Variants in GLIS1 observed in about 807,000 individuals in gnomAD.
GLIS1 encodes the protein zinc finger protein GLIS1.
In GLIS1, 24 loss-of-function variants were observed where a neutral mutation model predicts 63.8. That is an observed-to-expected ratio of 0.38 (90% CI 0.27 to 0.53). The LOEUF is 0.53. Among genes scored for constraint, GLIS1 ranks in the 20% least tolerant of loss-of-function variants. GLIS1 has a pLI of 0.85. For missense variants in GLIS1, 1,036 were observed against 1,074.1 expected (o/e 0.96, Z 0.50); for synonymous variants, 450 against 482.5 (o/e 0.93, Z 0.88).
chr1:53,655,844 C>T (rs1161155139), intron 2 of GLIS1, among the ~76,000 whole-genome samples: 1 of 152,238 alleles, frequency 6.6e-6, no homozygotes, highest in Non-Finnish European at 1.5e-5. Flanking sequence ...TGAGGCACCA[C>T]GAGCTGCATA....
chr1:53,576,206 G>A (rs1645030680), intron 4 of GLIS1, among the ~76,000 whole-genome samples: 3 of 151,878 alleles, frequency 2.0e-5, no homozygotes, highest in Non-Finnish European at 4.4e-5. Context: ...AGCCACATTG[G>A]GTGACTTCCT....
rs140770740 is a variant in GLIS1 at position 53,594,188 on chromosome 1, G to C, written c.1240C>G (p.Arg414Gly). The change falls in exon 4 of 11, where the codon CGC becomes GGC. Residue 414 changes from arginine (R) to glycine (G), a missense_variant. Arg to Gly is a moderately radical substitution (Grantham distance 125). Transcript: ENST00000628545. ...FTCFWAGCVR[R>G]YKPFNARYKL... ...TAGCGGGCGTTGAAGGGCTTGTAGC[G>C]GCGCACGCAGCCAGCCCAGAAGCAG... The C allele has an allele frequency of 3.7e-5, 60 of 1,613,884 alleles. No homozygotes were observed. Among genetic ancestry groups the C allele is most frequent in the Non-Finnish European group, 4.8e-5 (57 of 1,179,970 alleles).
At chr1:53,635,543 A>T (rs1465394998) in intron 2 of GLIS1, among the ~76,000 whole-genome samples, 2 of 149,780 alleles carry the variant, frequency 1.3e-5, no homozygotes, top group African/African-American at 2.4e-5. Context: ...CCACCACAAG[A>T]TGTTAAAAAA....
intron 2 of GLIS1, among the ~76,000 whole-genome samples, chr1:53,605,084 C>G (rs1645357117): frequency 6.6e-6 from 1 of 152,000 alleles, no homozygotes; most frequent in Admixed American, 6.6e-5. Flanking sequence ...AGACAGGATT[C>G]AACATCTGAA....
chr1:53,545,275 T>C (rs762514588), intron 4 of GLIS1, among the ~76,000 whole-genome samples: 4 of 152,180 alleles, frequency 2.6e-5, no homozygotes, highest in Non-Finnish European at 5.9e-5. Context: ...AGAGACACTG[T>C]GGTCCATGGA....
chr1:53,661,562 G>A (rs573955179), intron 2 of GLIS1, among the ~76,000 whole-genome samples: 4 of 152,310 alleles, frequency 2.6e-5, no homozygotes, highest in Non-Finnish European at 4.4e-5. Flanking sequence ...AAGGGGAGGC[G>A]TGGGGAGGAC....
chr1:53,520,468 TG>T (rs1328146922), intron 7 of GLIS1, among the ~76,000 whole-genome samples, 165 bp downstream of exon 7: 2 of 152,146 alleles, frequency 1.3e-5, no homozygotes, highest in African/African-American at 4.8e-5. Flanking sequence ...GAAGATGGAT[TG>T]GAAGTAGGGA....
intron 4 of GLIS1, among the ~76,000 whole-genome samples, chr1:53,592,822 A>C (rs868214031): frequency 6.6e-6 from 1 of 152,122 alleles, no homozygotes; most frequent in African/African-American, 2.4e-5. Flanking sequence ...TACAAAGCAA[A>C]CTCTTTCTCC....
intron 2 of GLIS1, among the ~76,000 whole-genome samples, chr1:53,648,333 G>A (rs952495658): frequency 2.0e-5 from 3 of 152,076 alleles, no homozygotes; most frequent in South Asian, 2.1e-4. Context: ...CCACCAGAAT[G>A]GCTAAAATTT....
At chr1:53,684,260 G>C (rs967387714) in intron 2 of GLIS1, among the ~76,000 whole-genome samples, 1 of 152,040 alleles carries the variant, frequency 6.6e-6, no homozygotes, top group Non-Finnish European at 1.5e-5. Flanking sequence ...AGAACCTCAG[G>C]GCCTCCCCAG....
At chr1:53,626,037 C>A in intron 2 of GLIS1, among the ~76,000 whole-genome samples, 1 of 152,208 alleles carries the variant, frequency 6.6e-6, no homozygotes, top group East Asian at 1.9e-4. Context: ...CTAGGGCTCA[C>A]GACAATGGGT....
intron 2 of GLIS1, among the ~76,000 whole-genome samples, chr1:53,666,987 C>A (rs1046357820): frequency 2.0e-5 from 3 of 152,156 alleles, no homozygotes; most frequent in African/African-American, 7.2e-5. Context: ...CTGTGCTGCT[C>A]ATCCCTACAC....
chr1:53,593,471 G>A (rs532290715), intron 4 of GLIS1, among the ~76,000 whole-genome samples: 56 of 152,358 alleles, frequency 3.7e-4, no homozygotes, highest in African/African-American at 1.2e-3. Context: ...GTGCACGTGC[G>A]CATGTACACA....
In GLIS1 at chr1:53,546,587, T is replaced by A. The variant is rs568922722; in HGVS notation, c.1321-16635A>T. ...GGTTTATTGCAACGACTACATGAGA[T>A]GAGAGATGGCAGGGCTCGTCAATCT... On this transcript the variant is annotated intron_variant, in intron 4 of 10. Coordinates refer to ENST00000628545, the MANE Select transcript of GLIS1 (RefSeq NM_001367484.1). Among the ~76,000 whole-genome samples, 4 of 103,250 alleles carry A rather than the reference T, an allele frequency of 3.9e-5. No homozygotes were observed. In the South Asian group the frequency reaches 1.1e-3, roughly 28 times the overall value. The allele number at this position is 103,250 out of a possible 152,430, so 67.7% of individuals were successfully genotyped here.
chr1:53,559,863 TACAC>T (rs200742259), intron 4 of GLIS1, among the ~76,000 whole-genome samples: 1 of 151,716 alleles, frequency 6.6e-6, no homozygotes, highest in African/African-American at 2.4e-5. Context: ...ATCACACATA[TACAC>T]ACACACACAG....
intron 4 of GLIS1, among the ~76,000 whole-genome samples, chr1:53,575,507 C>T (rs1569853369): frequency 1.3e-5 from 2 of 152,214 alleles, no homozygotes; most frequent in African/African-American, 4.8e-5. Flanking sequence ...AAGCTTTCCT[C>T]CCCACACGGG....
chr1:53,632,156 G>A (rs945828349), intron 2 of GLIS1, among the ~76,000 whole-genome samples: 7 of 145,612 alleles, frequency 4.8e-5, no homozygotes, highest in African/African-American at 1.8e-4. Context: ...TGACTGTGAG[G>A]GGCATGTGAC....
chr1:53,588,548 G>A (rs922894100), intron 4 of GLIS1, among the ~76,000 whole-genome samples: 3 of 152,184 alleles, frequency 2.0e-5, no homozygotes, highest in Non-Finnish European at 2.9e-5. Context: ...TGAACTGGCC[G>A]ACCTGCCACT....
chr1:53,592,186 C>A (rs1484449784), intron 4 of GLIS1, among the ~76,000 whole-genome samples: 2 of 152,092 alleles, frequency 1.3e-5, no homozygotes, highest in South Asian at 2.1e-4. Flanking sequence ...ACTGAGTAAC[C>A]CAGGCCCCTC....
Sources: gnomAD v4.1 joint callset for allele counts (sites outside exome capture counted in the v4.1 genomes callset) on GRCh38, gnomAD v4.1.1 for gene constraint, MANE v1.5 for transcripts, NCBI Gene and HGNC (gene_info 2026-07-23, HGNC 2026-07-21) for gene names.